Variants in ENAH observed in about 807,000 individuals in gnomAD.
ENAH encodes protein enabled homolog.
A neutral mutation model predicts 78.7 loss-of-function variants in ENAH; 23 were observed. The observed-to-expected ratio is 0.29, with a 90% confidence interval of 0.21 to 0.41. The LOEUF is 0.41. Among genes scored for constraint, ENAH ranks in the 10% least tolerant of loss-of-function variants. The pLI, the probability that ENAH is intolerant of heterozygous loss-of-function variation, is 1.00. For missense variants in ENAH, 544 were observed against 691.0 expected, an observed-to-expected ratio of 0.79 and a Z score of 2.39; for synonymous variants, 226 against 241.0, an observed-to-expected ratio of 0.94 and a Z score of 0.58.
At chr1:225,628,972 G>C (rs573915151) in intron 1 of ENAH, among the ~76,000 whole-genome samples, 11 of 151,656 alleles carry the variant, frequency 7.3e-5, no homozygotes, top group Non-Finnish European at 1.2e-4. Context: ...TAGAGAGTAA[G>C]TCTGGTTGAG....
chr1:225,630,226 T>G (rs1575792480), intron 1 of ENAH, among the ~76,000 whole-genome samples: 1 of 150,362 alleles, frequency 6.7e-6, no homozygotes, highest in South Asian at 2.3e-4. Context: ...TTGGAAAAGC[T>G]ACAGAAAGTA....
intron 1 of ENAH, among the ~76,000 whole-genome samples, chr1:225,603,558 T>C (rs2096940730): frequency 6.6e-6 from 1 of 152,158 alleles, no homozygotes; most frequent in African/African-American, 2.4e-5. Context: ...AGTACTAGTA[T>C]CAAACTTCCA....
chr1:225,553,366 A>G (rs1464237264), intron 3 of ENAH, among the ~76,000 whole-genome samples: 3 of 152,230 alleles, frequency 2.0e-5, no homozygotes, highest in Admixed American at 2.0e-4. Flanking sequence ...AATTTTAACT[A>G]CTTTTAAAAA....
intron 1 of ENAH, among the ~76,000 whole-genome samples, chr1:225,612,182 A>G (rs1256510298): frequency 6.6e-6 from 1 of 152,260 alleles, no homozygotes; most frequent in African/African-American, 2.4e-5. Flanking sequence ...AAATGACCCA[A>G]TGTCCATCAA....
At chr1:225,595,252 G>C (rs57616580) in intron 1 of ENAH, among the ~76,000 whole-genome samples, 11,867 of 152,004 alleles carry the variant, frequency 0.078, 1,575 homozygotes, top group African/African-American at 0.27. Context: ...AGAATCGCTT[G>C]AACACGGGAG....
At chr1:225,503,994 GGTTTTT>G (rs969392029) in intron 11 of ENAH, among the ~76,000 whole-genome samples, 2 of 150,594 alleles carry the variant, frequency 1.3e-5, no homozygotes, top group Non-Finnish European at 3.0e-5. Context: ...GGGTTTCTCA[GGTTTTT>G]ATTTCACTTT....
chr1:225,539,440 C>T (rs2096578494), intron 3 of ENAH, among the ~76,000 whole-genome samples: 1 of 152,168 alleles, frequency 6.6e-6, no homozygotes, highest in Non-Finnish European at 1.5e-5. Context: ...ATGATAAACA[C>T]ACATGTATGA....
chr1:225,579,589 T>C (rs957209784), intron 1 of ENAH, among the ~76,000 whole-genome samples: 18 of 152,258 alleles, frequency 1.2e-4, no homozygotes, highest in African/African-American at 3.6e-4. Context: ...TAGATACAGA[T>C]AGAGATTCAC....
chr1:225,604,550 G>A (rs1307811850), intron 1 of ENAH, among the ~76,000 whole-genome samples: 7 of 151,220 alleles, frequency 4.6e-5, no homozygotes, highest in Admixed American at 1.3e-4. Flanking sequence ...TTAGGAGGCC[G>A]AGGCGGGCAG....
chr1:225,555,487 C>G (rs2096661875), intron 2 of ENAH, among the ~76,000 whole-genome samples: 1 of 150,812 alleles, frequency 6.6e-6, no homozygotes, highest in Non-Finnish European at 1.5e-5. Flanking sequence ...GAGGCTGAGG[C>G]AAGAAAATGG....
At chr1:225,625,209 T>C (rs2639703) in intron 1 of ENAH, among the ~76,000 whole-genome samples, 61,403 of 152,092 alleles carry the variant, frequency 0.4, 14,200 homozygotes, top group African/African-American at 0.64. Flanking sequence ...TAAGCAATCA[T>C]TTAAAACAAG....
chr1:225,635,256 G>C (rs975115052), intron 1 of ENAH, among the ~76,000 whole-genome samples: 6 of 152,118 alleles, frequency 3.9e-5, no homozygotes, highest in African/African-American at 1.4e-4. Flanking sequence ...TGTTGCCCAG[G>C]CTGGTCTCAA....
intron 7 of ENAH, among the ~76,000 whole-genome samples, chr1:225,513,381 TAC>T (rs1319765769): frequency 1.3e-5 from 2 of 152,194 alleles, no homozygotes; most frequent in Non-Finnish European, 2.9e-5. Flanking sequence ...ATAATTGTCC[TAC>T]AGTCTTCAAA....
At chr1:225,517,360 G>C in intron 5 of ENAH, 54 bp from the exon 6 acceptor site, 1 of 1,551,742 alleles carries the variant, frequency 6.4e-7, no homozygotes, top group Non-Finnish European at 8.7e-7. Context: ...TGAGGCAATA[G>C]GGGTGCTTGG....
intron 3 of ENAH, among the ~76,000 whole-genome samples, chr1:225,536,620 A>G (rs1359456493): frequency 2.0e-5 from 3 of 152,070 alleles, no homozygotes; most frequent in Non-Finnish European, 4.4e-5. Flanking sequence ...AAAACATACA[A>G]CTCATGCTAA....
rs2096249471 is a variant in ENAH, at chr1:225,496,283, GCA to G, written c.*1490_*1491del. 6.6e-6 allele frequency: 1 copy of G among 152,250 alleles called. No homozygotes were observed. Among genetic ancestry groups the G allele is most frequent in the Non-Finnish European group, 1.5e-5 (1 of 68,038 alleles). 9.4% of individuals were successfully genotyped at this position (152,250 alleles called of 1,614,324 possible). ...CCATATAGACAGCACGTGCGCGAGA[GCA>G]CACACACGCAGAGTGGCAGGCAGAG... is the stretch of plus-strand genomic sequence containing the variant. On this transcript the variant is annotated 3_prime_UTR_variant, in exon 14 of 14. Coordinates refer to ENST00000366843, the MANE Select transcript of ENAH (RefSeq NM_018212.6).
intron 1 of ENAH, among the ~76,000 whole-genome samples, chr1:225,580,912 C>CA (rs78529288): frequency 0.15 from 9,737 of 63,748 alleles, 403 homozygotes; most frequent in African/African-American, 0.19. Context: ...AGAAAAAAAC[C>CA]AAAAAAAAAA....
intron 3 of ENAH, among the ~76,000 whole-genome samples, chr1:225,549,565 T>C (rs932318255): frequency 6.6e-6 from 1 of 152,202 alleles, no homozygotes; most frequent in Non-Finnish European, 1.5e-5. Context: ...CTCGCATCAC[T>C]ACAGTAGTGA....
At chr1:225,526,248 A>T (rs921007231) in intron 4 of ENAH, among the ~76,000 whole-genome samples, 15 of 151,240 alleles carry the variant, frequency 9.9e-5, no homozygotes, top group Middle Eastern at 3.5e-3. Flanking sequence ...TCTTTCTCAT[A>T]TGCCACCTCT....
Sources: gnomAD v4.1 joint callset for allele counts (sites outside exome capture counted in the v4.1 genomes callset) on GRCh38, gnomAD v4.1.1 for gene constraint, MANE v1.5 for transcripts, NCBI Gene and HGNC (gene_info 2026-07-23, HGNC 2026-07-21) for gene names.